Variants in LARGE1 observed in about 807,000 individuals in gnomAD.
LARGE1 encodes LARGE xylosyl- and glucuronyltransferase 1.
Under a neutral mutation model 87.6 loss-of-function variants are expected in LARGE1, and 43 were observed. The ratio of observed to expected loss-of-function variants is 0.49; its 90% CI spans 0.38 to 0.63. The LOEUF (loss-of-function observed/expected upper bound fraction) is 0.63, where lower values mean the gene tolerates loss of function less well. Ranked by LOEUF, LARGE1 falls within the 30% of genes least tolerant of loss-of-function variation. LARGE1 has a pLI of 0.00. For synonymous variants in LARGE1, 434 were observed against 394.6 expected, an observed-to-expected ratio of 1.10 and a Z score of -1.18; for missense variants, 802 against 1,000.2, an observed-to-expected ratio of 0.80 and a Z score of 2.67.
At chr22:33,348,162 T>A (rs1021430514) in intron 9 of LARGE1, among the ~76,000 whole-genome samples, 1 of 152,090 alleles carries the variant, frequency 6.6e-6, no homozygotes, top group Non-Finnish European at 1.5e-5. Context: ...ACACAGGCAC[T>A]TTAAATTGGG....
chr22:33,472,186 T>A (rs1020257267), intron 6 of LARGE1, among the ~76,000 whole-genome samples: 4 of 152,146 alleles, frequency 2.6e-5, no homozygotes, highest in African/African-American at 9.7e-5. Context: ...ATTCTCCTGG[T>A]TGGTTTCATA....
chr22:33,573,893 T>C (rs537021329), intron 5 of LARGE1, among the ~76,000 whole-genome samples: 1 of 152,072 alleles, frequency 6.6e-6, no homozygotes, highest in Admixed American at 6.5e-5. Context: ...GCTCACGTTT[T>C]TGCCACTCCA....
the LARGE1 span, among the ~76,000 whole-genome samples, chr22:33,134,255 CT>C: frequency 0.06 from 7,393 of 124,174 alleles, 67 homozygotes; most frequent in Middle Eastern, 0.1. Context: ...AAAGAACTCC[CT>C]TTTTTTTTTT....
At chr22:33,409,293 G>A (rs1267441693) in intron 7 of LARGE1, among the ~76,000 whole-genome samples, 4 of 84,242 alleles carry the variant, frequency 4.7e-5, no homozygotes, top group Admixed American at 2.2e-4. Flanking sequence ...TGAGACGGAA[G>A]GAGGAGGAGG....
intron 9 of LARGE1, among the ~76,000 whole-genome samples, chr22:33,351,955 T>C (rs1940427568): frequency 6.6e-6 from 1 of 152,058 alleles, no homozygotes; most frequent in Non-Finnish European, 1.5e-5. Flanking sequence ...GCCAAGATGG[T>C]CTAGATCTCT....
At chr22:33,717,502 TG>T (rs941065387) in intron 2 of LARGE1, among the ~76,000 whole-genome samples, 2 of 152,186 alleles carry the variant, frequency 1.3e-5, no homozygotes, top group African/African-American at 4.8e-5. Flanking sequence ...AGTATTTCCT[TG>T]GGGTCAGATT....
intron 11 of LARGE1, among the ~76,000 whole-genome samples, chr22:33,311,654 G>A: frequency 6.6e-6 from 1 of 152,190 alleles, no homozygotes; most frequent in South Asian, 2.1e-4. Flanking sequence ...CAGCTAGGAA[G>A]TGGCACAAGT....
chr22:33,567,973 C>T (rs1422715408), intron 5 of LARGE1, among the ~76,000 whole-genome samples: 1 of 152,210 alleles, frequency 6.6e-6, no homozygotes, highest in African/African-American at 2.4e-5. Flanking sequence ...AAACAGCACA[C>T]TCTCCTGGGG....
At chr22:33,462,984 A>C (rs974628480) in intron 6 of LARGE1, among the ~76,000 whole-genome samples, 5 of 152,218 alleles carry the variant, frequency 3.3e-5, no homozygotes, top group African/African-American at 7.2e-5. Context: ...TTAAATATTC[A>C]TGTTAAGATT....
intron 1 of LARGE1, among the ~76,000 whole-genome samples, chr22:33,804,068 C>A (rs1034160318): frequency 1.4e-4 from 21 of 152,226 alleles, no homozygotes; most frequent in African/African-American, 5.1e-4. Flanking sequence ...ATTAACACAG[C>A]AATCCTGGCT....
At chr22:33,375,872 C>T (rs568112795) in intron 9 of LARGE1, among the ~76,000 whole-genome samples, 1 of 152,262 alleles carries the variant, frequency 6.6e-6, no homozygotes, top group South Asian at 2.1e-4. Context: ...CTCAACCTCC[C>T]CAGTAGCTAG....
At chr22:33,723,307 G>A (rs746835918) in intron 2 of LARGE1, among the ~76,000 whole-genome samples, 2 of 152,124 alleles carry the variant, frequency 1.3e-5, no homozygotes, top group African/African-American at 4.8e-5. Context: ...TTAGGTTCAC[G>A]GTGTAAAGAG....
At chr22:33,226,771 C>T (rs1391499648) in intron 11 of LARGE1, among the ~76,000 whole-genome samples, 1 of 151,570 alleles carries the variant, frequency 6.6e-6, no homozygotes, top group Non-Finnish European at 1.5e-5. Flanking sequence ...GCTCTTTAGC[C>T]CAGGCCGGAT....
Position 33,654,420 on chromosome 22 carries a change from G to A in LARGE1, c.107-3752C>T, listed in dbSNP as rs548283821. Among the ~76,000 whole-genome samples, 209 of 152,330 alleles carry A rather than the reference G, an allele frequency of 1.4e-3. 1 individual carries two copies. The highest frequency in any genetic ancestry group is 2.2e-3 in the Admixed American group (33 of 15,304). On this transcript the variant is annotated intron_variant, in intron 2 of 14. Transcript: ENST00000397394. ...AGTCCCCTCTCAGCTCTAACTCTCCGTAGCTGTGTGGTCCAGATGATCCCA... is the reference window on the plus strand; with the variant it reads ...AGTCCCCTCTCAGCTCTAACTCTCCATAGCTGTGTGGTCCAGATGATCCCA...
intron 9 of LARGE1, among the ~76,000 whole-genome samples, chr22:33,369,075 C>T (rs2064707101): frequency 6.6e-6 from 1 of 152,176 alleles, no homozygotes; most frequent in African/African-American, 2.4e-5. Flanking sequence ...AAAAGTTTCT[C>T]TGTAGCAATT....
At chr22:33,682,153 T>C (rs569476724) in intron 2 of LARGE1, among the ~76,000 whole-genome samples, 5 of 152,370 alleles carry the variant, frequency 3.3e-5, no homozygotes, top group African/African-American at 1.2e-4. Context: ...ACTTAAACTT[T>C]GTTAGTTTTA....
At chr22:33,361,157 C>A (rs900893404) in intron 9 of LARGE1, among the ~76,000 whole-genome samples, 1 of 148,864 alleles carries the variant, frequency 6.7e-6, no homozygotes, top group Non-Finnish European at 1.5e-5. Context: ...TTACAGTGAG[C>A]CGAGAATGCG....
the LARGE1 span, among the ~76,000 whole-genome samples, chr22:33,154,825 T>C: frequency 2.6e-5 from 4 of 152,232 alleles, no homozygotes; most frequent in Non-Finnish European, 4.4e-5. Context: ...TCTTGAATTG[T>C]AACTGCCACA....
chr22:33,895,351 C>T (rs765551717), intron 1 of LARGE1, among the ~76,000 whole-genome samples: 1 of 152,202 alleles, frequency 6.6e-6, no homozygotes, highest in Non-Finnish European at 1.5e-5. Context: ...TGGGAGGCTA[C>T]ATATTAGTTA....
Sources: gnomAD v4.1 joint callset for allele counts (sites outside exome capture counted in the v4.1 genomes callset) on GRCh38, gnomAD v4.1.1 for gene constraint, MANE v1.5 for transcripts, NCBI Gene and HGNC (gene_info 2026-07-23, HGNC 2026-07-21) for gene names.